FNDC3B: variants seen among roughly 807,000 people sequenced by gnomAD.
FNDC3B encodes the protein fibronectin type III domain containing 3B, also known as fibronectin type III domain-containing protein 3B.
In FNDC3B, 12 loss-of-function variants were observed where a neutral mutation model predicts 151.5. The ratio of observed to expected loss-of-function variants is 0.08; its 90% CI spans 0.05 to 0.13. FNDC3B has a LOEUF of 0.13. FNDC3B is among the 10% of genes least tolerant of loss of function. The probability of loss-of-function intolerance (pLI) is 1.00; values close to 1 mark genes in which losing one functional copy is unlikely to be tolerated. For synonymous variants in FNDC3B, 528 were observed against 549.0 expected (o/e 0.96, Z 0.54); for missense variants, 1,214 against 1,505.3 (o/e 0.81, Z 3.20).
chr3:172,122,360 A>G (rs1720597283), intron 2 of FNDC3B, among the ~76,000 whole-genome samples: 1 of 152,068 alleles, frequency 6.6e-6, no homozygotes, highest in Non-Finnish European at 1.5e-5. Context: ...GAAGTGCTGT[A>G]GTGTTTTATC....
At chr3:172,256,888 T>C (rs1728370603) in intron 6 of FNDC3B, among the ~76,000 whole-genome samples, 1 of 152,056 alleles carries the variant, frequency 6.6e-6, no homozygotes, top group African/African-American at 2.4e-5. Context: ...TGTGGGCAGA[T>C]GGTGAAGGGA....
At chr3:172,186,560 G>A (rs1724196046) in intron 3 of FNDC3B, among the ~76,000 whole-genome samples, 1 of 151,948 alleles carries the variant, frequency 6.6e-6, no homozygotes, top group African/African-American at 2.4e-5. Context: ...CCAAATTCCT[G>A]GTTTCTAGTG....
intron 1 of FNDC3B, among the ~76,000 whole-genome samples, chr3:172,106,650 C>A (rs1263331797): frequency 1.3e-5 from 2 of 148,970 alleles, no homozygotes; most frequent in Non-Finnish European, 2.9e-5. Flanking sequence ...CTTAAAAACT[C>A]TCCCAGCAGT....
intron 21 of FNDC3B, among the ~76,000 whole-genome samples, chr3:172,349,038 C>G (rs1412596649): frequency 6.6e-6 from 1 of 152,092 alleles, no homozygotes; most frequent in African/African-American, 2.4e-5. Flanking sequence ...CACTTGTAAT[C>G]CCAGCACTGT....
intron 3 of FNDC3B, among the ~76,000 whole-genome samples, chr3:172,222,787 A>G (rs1323781083): frequency 6.6e-6 from 1 of 152,174 alleles, no homozygotes; most frequent in Non-Finnish European, 1.5e-5. Context: ...CCACAAACCA[A>G]TAGTGGTCCG....
chr3:172,196,371 G>A (rs1332480750), intron 3 of FNDC3B, among the ~76,000 whole-genome samples: 6 of 151,732 alleles, frequency 4.0e-5, no homozygotes, highest in African/African-American at 1.5e-4. Flanking sequence ...TTTTTTGTAG[G>A]GATGGGGGTC....
intron 3 of FNDC3B, among the ~76,000 whole-genome samples, chr3:172,207,939 C>T (rs1286469286): frequency 6.6e-6 from 1 of 151,812 alleles, no homozygotes; most frequent in Non-Finnish European, 1.5e-5. Flanking sequence ...AAGAGCAAAA[C>T]TCCACCTCAA....
At chr3:172,366,146 A>G (rs1734610893) in intron 23 of FNDC3B, among the ~76,000 whole-genome samples, 1 of 152,230 alleles carries the variant, frequency 6.6e-6, no homozygotes, top group African/African-American at 2.4e-5. Flanking sequence ...CTTAATGTCC[A>G]AAAACCCCTC....
chr3:172,330,535 C>A lies in FNDC3B; in HGVS notation c.1380-6C>A. On this transcript the variant is annotated splice_region_variant and splice_polypyrimidine_tract_variant and intron_variant, in intron 12 of 25. Coordinates refer to ENST00000415807, the MANE Select transcript of FNDC3B (RefSeq NM_022763.4). ...TAACTGTGTGCCTCACTTTCTTTCTCTACAGTGGTTATAGCCAAGAGGTGG... is the reference window on the plus strand; with the variant it reads ...TAACTGTGTGCCTCACTTTCTTTCTATACAGTGGTTATAGCCAAGAGGTGG... 1 of 1,608,566 alleles carries A rather than the reference C, an allele frequency of 6.2e-7. No homozygotes were observed. The highest frequency in any genetic ancestry group is 1.3e-5 in the African/African-American group (1 of 74,920).
intron 8 of FNDC3B, among the ~76,000 whole-genome samples, chr3:172,296,996 G>A (rs183095785): frequency 2.0e-5 from 3 of 152,234 alleles, no homozygotes; most frequent in East Asian, 1.9e-4. Flanking sequence ...AGAGGCTCAC[G>A]TGCCCAGAGA....
In FNDC3B at chr3:172,272,664, C is replaced by T. The variant is rs990580745; in HGVS notation, c.791-13262C>T. 3.9e-5 allele frequency among the ~76,000 whole-genome samples: 6 copies of T among 152,240 alleles called. No individual in the cohort carries two copies. The East Asian group carries it at 5.8e-4, about 15-fold the overall frequency. On this transcript the variant is annotated intron_variant, in intron 6 of 25. Coordinates refer to ENST00000415807, the MANE Select transcript of FNDC3B (RefSeq NM_022763.4). ...CTGAAGAGCATAGAACCCTAAAAAC[C>T]GAATATGATGATCTTAGAACTTCCT...
chr3:172,074,840 T>C (rs920006933), intron 1 of FNDC3B, among the ~76,000 whole-genome samples: 1 of 152,188 alleles, frequency 6.6e-6, no homozygotes, highest in African/African-American at 2.4e-5. Flanking sequence ...ATAATTGGTG[T>C]TGTCATCCAG....
chr3:172,387,326 A>T (rs756394204), intron 25 of FNDC3B, among the ~76,000 whole-genome samples: 1 of 151,750 alleles, frequency 6.6e-6, no homozygotes, highest in Non-Finnish European at 1.5e-5. Flanking sequence ...TCCAACTCCT[A>T]ACCTCCAGTG....
chr3:172,366,855 GA>G (rs1273913435), intron 23 of FNDC3B, among the ~76,000 whole-genome samples: 34 of 152,214 alleles, frequency 2.2e-4, no homozygotes, highest in African/African-American at 8.0e-4. Context: ...GAAGACTTGA[GA>G]TAGGATGGAA....
intron 3 of FNDC3B, among the ~76,000 whole-genome samples, chr3:172,185,229 A>T (rs1724109494): frequency 6.6e-6 from 1 of 152,156 alleles, no homozygotes; most frequent in Non-Finnish European, 1.5e-5. Context: ...TTCATTTATA[A>T]AAAGTTGGAA....
At chr3:172,156,279 A>G (rs1193279082) in intron 3 of FNDC3B, among the ~76,000 whole-genome samples, 1 of 152,256 alleles carries the variant, frequency 6.6e-6, no homozygotes, top group Non-Finnish European at 1.5e-5. Flanking sequence ...TGAGCAATAG[A>G]ACTAAGGCTG....
chr3:172,310,942 C>T (rs1254070109), intron 11 of FNDC3B, 61 bp downstream of exon 11: 8 of 1,122,936 alleles, frequency 7.1e-6, no homozygotes, highest in African/African-American at 1.5e-5. Flanking sequence ...ATTAACTGAA[C>T]AAATGCCATC....
intron 3 of FNDC3B, among the ~76,000 whole-genome samples, chr3:172,135,077 A>G (rs1721295264): frequency 6.6e-6 from 1 of 152,174 alleles, no homozygotes; most frequent in South Asian, 2.1e-4. Flanking sequence ...TAAGAAAGCA[A>G]TTAAGCCTCT....
At chr3:172,193,800 CA>C (rs1724683480) in intron 3 of FNDC3B, among the ~76,000 whole-genome samples, 2 of 152,088 alleles carry the variant, frequency 1.3e-5, no homozygotes, top group South Asian at 4.1e-4. Context: ...GGAAGATCAA[CA>C]AAGCTTTTCA....
Sources: allele counts gnomAD v4.1 joint callset (sites outside exome capture counted in the v4.1 genomes callset), GRCh38; gene constraint gnomAD v4.1.1; transcripts MANE v1.5; gene names NCBI Gene and HGNC (gene_info 2026-07-23, HGNC 2026-07-21).